Variants in PRKN observed in about 807,000 individuals in gnomAD.
The protein encoded by PRKN is parkin RBR E3 ubiquitin protein ligase.
In PRKN, 56 loss-of-function variants were observed where a neutral mutation model predicts 59.5. The observed-to-expected ratio is 0.94, with a 90% CI of 0.76 to 1.18. PRKN has a LOEUF of 1.18. Among genes scored for constraint, PRKN ranks in the 50% most tolerant of loss-of-function variants. PRKN has a pLI of 0.00. For synonymous variants in PRKN, 250 were observed against 222.1 expected (o/e 1.13, Z -1.12); for missense variants, 657 against 596.4 (o/e 1.10, Z -1.06).
In PRKN at chr6:161,646,345, C is replaced by T. The variant is rs369152612; in HGVS notation, c.872-76929G>A. On this transcript the variant is annotated intron_variant, in intron 7 of 11. Coordinates refer to ENST00000366898, the MANE Select transcript of PRKN (RefSeq NM_004562.3). ...GTGGTGACTGCGTGTGCGTGCGTGG[C>T]GGAGGAGGTGGCGTATGAGTGACAG... Among the ~76,000 whole-genome samples the T allele has an allele frequency of 6.0e-3, 281 of 47,100 alleles. 17 individuals carry two copies. Among genetic ancestry groups the T allele is most frequent in the South Asian group, 9.1e-3 (11 of 1,212 alleles). 30.9% of individuals were successfully genotyped at this position (47,100 alleles called of 152,430 possible).
intron 6 of PRKN, among the ~76,000 whole-genome samples, chr6:161,836,083 G>T (rs1792741135): frequency 6.6e-6 from 1 of 152,148 alleles, no homozygotes; most frequent in Non-Finnish European, 1.5e-5. Context: ...CCTTTCTGAA[G>T]AGCTCTTGGT....
In PRKN at chr6:162,469,718, G is replaced by T. The variant is rs189070976; in HGVS notation, c.8-26245C>A. On this transcript the variant is annotated intron_variant, in intron 1 of 11. Coordinates refer to ENST00000366898, the MANE Select transcript of PRKN (RefSeq NM_004562.3). ...CCTAAGAATGACACAGTGGACTCTG[G>T]GGACTCAACAGGAAAGGATGGGAAG... is the stretch of plus-strand genomic sequence containing the variant. 3.1e-3 allele frequency among the ~76,000 whole-genome samples: 465 copies of T among 152,112 alleles called. 1 individual carries two copies. The highest frequency in any genetic ancestry group is 0.01 in the African/African-American group (429 of 41,520).
Position 161,544,280 on chromosome 6 carries a change from A to T in PRKN, c.1083+4574T>A, listed in dbSNP as rs1291557806. ...TAATGGACTTTTTGTGGATCCCTGAACATAGTGTTATTTTGGTTTTCTGAA... is the reference window on the plus strand; with the variant it reads ...TAATGGACTTTTTGTGGATCCCTGATCATAGTGTTATTTTGGTTTTCTGAA... On this transcript the variant is annotated intron_variant, in intron 9 of 11. Transcript: ENST00000366898. The surrounding 1 kb of genome is among the most constrained non-coding windows in gnomAD (Gnocchi z 5.5). Among the ~76,000 whole-genome samples the T allele has an allele frequency of 2.0e-5, 3 of 152,188 alleles. No individual in the cohort carries two copies. The highest frequency in any genetic ancestry group is 7.2e-5 in the African/African-American group (3 of 41,456).
intron 7 of PRKN, among the ~76,000 whole-genome samples, chr6:161,589,225 C>G (rs899900087): frequency 1.3e-5 from 2 of 152,206 alleles, no homozygotes; most frequent in African/African-American, 4.8e-5. Flanking sequence ...AGAGACGCCC[C>G]GCTGCTGAGA....
chr6:162,358,911 T>G (rs761867314), intron 2 of PRKN, among the ~76,000 whole-genome samples: 1 of 151,388 alleles, frequency 6.6e-6, no homozygotes. Context: ...AATAAAAAAA[T>G]TAGCTGGGTG....
chr6:161,666,467 C>T (rs545633245), intron 7 of PRKN, among the ~76,000 whole-genome samples: 13 of 152,274 alleles, frequency 8.5e-5, no homozygotes, highest in African/African-American at 2.4e-4. Flanking sequence ...TTTTCTTCCA[C>T]GGAAACTGGT....
intron 2 of PRKN, among the ~76,000 whole-genome samples, chr6:162,316,502 A>G (rs896823307): frequency 6.6e-6 from 1 of 152,164 alleles, no homozygotes; most frequent in Non-Finnish European, 1.5e-5. Flanking sequence ...GACTTTTTAT[A>G]AGCTAAGTTT....
intron 9 of PRKN, among the ~76,000 whole-genome samples, chr6:161,422,571 A>G (rs956197826): frequency 2.0e-5 from 3 of 152,144 alleles, no homozygotes; most frequent in East Asian, 1.9e-4. Context: ...TAACGCCTAT[A>G]TTCTCATAGA....
intron 1 of PRKN, among the ~76,000 whole-genome samples, chr6:162,722,347 A>G (rs1296104640): frequency 6.6e-6 from 1 of 152,210 alleles, no homozygotes; most frequent in Non-Finnish European, 1.5e-5. Flanking sequence ...CTATTACTGT[A>G]ATTCCTTTTA....
chr6:162,155,183 G>C (rs2128314833), intron 4 of PRKN, among the ~76,000 whole-genome samples: 1 of 151,644 alleles, frequency 6.6e-6, no homozygotes, highest in East Asian at 1.9e-4. Flanking sequence ...ACAAAATGCA[G>C]CATTTGGTTA....
At chr6:162,701,807 G>C (rs1485839356) in intron 1 of PRKN, among the ~76,000 whole-genome samples, 1 of 145,068 alleles carries the variant, frequency 6.9e-6, no homozygotes, top group Admixed American at 7.1e-5. Context: ...TTTCCAATAG[G>C]AACACACACA....
At chr6:161,744,773 A>G (rs78195232) in intron 7 of PRKN, among the ~76,000 whole-genome samples, 2,277 of 152,280 alleles carry the variant, frequency 0.015, 57 homozygotes, top group African/African-American at 0.053. Context: ...TAAGTTCAAG[A>G]AGGCACCTTC....
At chr6:161,806,020 T>C (rs1791304656) in intron 6 of PRKN, among the ~76,000 whole-genome samples, 1 of 152,242 alleles carries the variant, frequency 6.6e-6, no homozygotes, top group African/African-American at 2.4e-5. Context: ...GCCTACTCCC[T>C]GGCATAGGCC....
intron 7 of PRKN, among the ~76,000 whole-genome samples, chr6:161,692,564 T>TGTA (rs1785841317): frequency 6.6e-6 from 1 of 152,216 alleles, no homozygotes; most frequent in Non-Finnish European, 1.5e-5. Context: ...AAGTAAAAGC[T>TGTA]TTCATCTTAA....
At chr6:162,437,091 C>CA (rs67044548) in intron 2 of PRKN, among the ~76,000 whole-genome samples, 42,889 of 148,896 alleles carry the variant, frequency 0.29, 6,564 homozygotes, top group African/African-American at 0.4. Flanking sequence ...GACTCTGTCT[C>CA]AAAAAAAATA....
chr6:161,559,403 G>C (rs546841665), intron 8 of PRKN, among the ~76,000 whole-genome samples: 13 of 152,284 alleles, frequency 8.5e-5, no homozygotes, highest in African/African-American at 2.6e-4. Flanking sequence ...CTGATGGAGC[G>C]CACTGCAGAA....
chr6:162,376,334 G>A (rs921618704), intron 2 of PRKN, among the ~76,000 whole-genome samples: 1 of 152,136 alleles, frequency 6.6e-6, no homozygotes, highest in South Asian at 2.1e-4. Flanking sequence ...AAGAACACTA[G>A]AGTGGCAAAT....
At chr6:161,707,652 T>C (rs1360346715) in intron 7 of PRKN, among the ~76,000 whole-genome samples, 3 of 152,214 alleles carry the variant, frequency 2.0e-5, no homozygotes, top group African/African-American at 7.2e-5. Flanking sequence ...GATAGAGATG[T>C]TTTATTTGGG....
chr6:161,912,864 A>G (rs771681585), intron 6 of PRKN, among the ~76,000 whole-genome samples: 17 of 152,136 alleles, frequency 1.1e-4, no homozygotes, highest in Non-Finnish European at 1.5e-4. Context: ...TTAAAAAGTA[A>G]TATGTTATTT....
Sources: allele counts gnomAD v4.1 joint callset (sites outside exome capture counted in the v4.1 genomes callset), GRCh38; gene constraint gnomAD v4.1.1; non-coding constraint Gnocchi (gnomAD v3.1); transcripts MANE v1.5; gene names NCBI Gene and HGNC (gene_info 2026-07-23, HGNC 2026-07-21).